Variants in ADAMTSL2 observed in about 807,000 individuals in gnomAD.
ADAMTSL2 encodes the protein ADAMTS-like protein 2.
In ADAMTSL2, 55 loss-of-function variants were observed where a neutral mutation model predicts 117.0. The ratio of observed to expected loss-of-function variants is 0.47; its 90% CI spans 0.38 to 0.59. The LOEUF is 0.59. Ranked by LOEUF, ADAMTSL2 falls within the 20% of genes least tolerant of loss-of-function variation. The pLI is 0.00. For synonymous variants in ADAMTSL2, 572 were observed against 566.4 expected, an observed-to-expected ratio of 1.01 and a Z score of -0.14; for missense variants, 1,182 against 1,354.5, an observed-to-expected ratio of 0.87 and a Z score of 2.00.
intron 18 of ADAMTSL2, 43 bp from the exon 19 acceptor site, chr9:133,574,703 A>G (rs1588314768): frequency 1.3e-6 from 2 of 1,574,540 alleles, no homozygotes; most frequent in Admixed American, 1.7e-5. Flanking sequence ...CCCCTTGGCC[A>G]CCTCCTGAAA....
intron 8 of ADAMTSL2, among the ~76,000 whole-genome samples, chr9:133,545,689 G>T (rs566055711): frequency 6.6e-6 from 1 of 152,202 alleles, no homozygotes; most frequent in Admixed American, 6.5e-5. Flanking sequence ...CTCTGAGCTG[G>T]CTGCAAAGCT....
At chr9:133,540,376 C>T (rs548685893) in intron 5 of ADAMTSL2, among the ~76,000 whole-genome samples, 1 of 152,234 alleles carries the variant, frequency 6.6e-6, no homozygotes, top group East Asian at 1.9e-4. Context: ...GCGCTGCTCC[C>T]CACTCACGAG....
At position 133,562,611 on chromosome 9, in the gene ADAMTSL2, C is replaced by T. The variant is rs1453113620; in HGVS notation, c.1747+1316C>T. 1.5e-4 allele frequency among the ~76,000 whole-genome samples: 16 copies of T among 104,600 alleles called. 1 individual carries two copies. Among genetic ancestry groups the T allele is most frequent in the Non-Finnish European group, 2.2e-4 (11 of 50,136 alleles). 68.6% of individuals were successfully genotyped at this position (104,600 alleles called of 152,430 possible). ...GCTCGCACCGCCGTGGGCGGCGTGGCGGGCACCCGGCTGGGCCCGGTTCGC... is the reference window on the plus strand; with the variant it reads ...GCTCGCACCGCCGTGGGCGGCGTGGTGGGCACCCGGCTGGGCCCGGTTCGC... On this transcript the variant is annotated intron_variant, in intron 12 of 18. Transcript: ENST00000651351.
Position 133,536,570 on chromosome 9 carries a change from C to T in ADAMTSL2, c.-143C>T, listed in dbSNP as rs747085893. On this transcript the variant is annotated 5_prime_UTR_variant, in exon 2 of 19. Transcript: ENST00000651351. ...GTTCATCCTTCCCAACAGGGTCTGC[C>T]AGACAACCACGACCAACTAGTCCCA... is the stretch of plus-strand genomic sequence containing the variant. The T allele has an allele frequency of 1.3e-6, 2 of 1,581,154 alleles. No homozygotes were observed. Among genetic ancestry groups the T allele is most frequent in the African/African-American group, 2.7e-5 (2 of 74,290 alleles).
intron 11 of ADAMTSL2, among the ~76,000 whole-genome samples, chr9:133,559,439 G>A (rs1287937085): frequency 6.7e-6 from 1 of 149,040 alleles, no homozygotes; most frequent in Non-Finnish European, 1.5e-5. Flanking sequence ...TGCCTCCCAG[G>A]TTCATGCCAT....
intron 17 of ADAMTSL2, among the ~76,000 whole-genome samples, chr9:133,572,116 G>C (rs1831119745): frequency 6.6e-6 from 1 of 152,110 alleles, no homozygotes; most frequent in South Asian, 2.1e-4. Context: ...CCGGGCCCTT[G>C]CCAGGTCCCA....
intron 8 of ADAMTSL2, among the ~76,000 whole-genome samples, chr9:133,545,287 C>T (rs75815723): frequency 0.023 from 3,533 of 152,258 alleles, 151 homozygotes; most frequent in African/African-American, 0.079. Context: ...GGTATAGGGA[C>T]GCTGTTCTTG....
intron 4 of ADAMTSL2, among the ~76,000 whole-genome samples, chr9:133,539,242 A>G (rs1268361058): frequency 6.6e-6 from 1 of 152,164 alleles, no homozygotes; most frequent in Admixed American, 6.5e-5. Context: ...AGAGGGACCC[A>G]GGTTTGAGCT....
Position 133,558,340 on chromosome 9 carries a change from C to T in ADAMTSL2, c.1649+2410C>T, listed in dbSNP as rs1830653720. On this transcript the variant is annotated intron_variant, in intron 11 of 18. Transcript: ENST00000651351. The surrounding 1 kb of genome is among the most constrained non-coding windows in gnomAD (Gnocchi z 4.3). ...CAGGCCAAAATAGCCACGTCTCGGC[C>T]GAGTTGTCCAAACACAGGAAGTCGT... 2.6e-5 allele frequency among the ~76,000 whole-genome samples: 4 copies of T among 152,282 alleles called. No homozygotes were observed. Among genetic ancestry groups the T allele is most frequent in the Non-Finnish European group, 5.9e-5 (4 of 68,024 alleles).
intron 1 of ADAMTSL2, 89 bp downstream of exon 1, chr9:133,535,006 C>T (rs1295057283): frequency 7.7e-7 from 1 of 1,300,546 alleles, no homozygotes; most frequent in South Asian, 2.2e-5. Flanking sequence ...AGGAGCACCC[C>T]GCGCCCTCTG....
chr9:133,554,605 C>T lies in ADAMTSL2; in HGVS notation c.1188C>T (p.Gly396=). 2 of 1,547,696 alleles carry T rather than the reference C, an allele frequency of 1.3e-6. No homozygotes were observed. Among genetic ancestry groups the T allele is most frequent in the South Asian group, 1.2e-5 (1 of 84,154 alleles). The change falls in exon 10 of 19, where the codon GGC becomes GGT. Residue 396 remains glycine (G), a synonymous_variant. Transcript: ENST00000651351. The surrounding 1 kb of genome is among the most constrained non-coding windows in gnomAD (Gnocchi z 5.2). ...ACCCGGGCCTGGACATGGAGCTGGG[C>T]CCCAGCCAGGGCCAGGAGACCAACG... ...FGHPGLDMEL[G]PSQGQETNEV... is the part of the protein sequence containing the mutation.
Position 133,570,916 on chromosome 9 carries a change from G to A in ADAMTSL2, c.2592+409G>A, listed in dbSNP as rs111746745. ...TCTGGGAGCCACAGCCAAGGCAGCC[G>A]CTTGGAATTTAGGGAGACAGTAATA... On this transcript the variant is annotated intron_variant, in intron 17 of 18. Coordinates refer to ENST00000651351, the MANE Select transcript of ADAMTSL2 (RefSeq NM_014694.4). Among the ~76,000 whole-genome samples, 323 of 152,282 alleles carry A rather than the reference G, an allele frequency of 2.1e-3. 1 individual carries two copies. The highest frequency in any genetic ancestry group is 0.01 in the Middle Eastern group (3 of 294).
At chr9:133,555,020 A>G (rs1830573275) in intron 10 of ADAMTSL2, among the ~76,000 whole-genome samples, 2 of 151,918 alleles carry the variant, frequency 1.3e-5, no homozygotes, top group Admixed American at 1.3e-4. Flanking sequence ...TCTCTCGCTC[A>G]CCCCATCGCT....
intron 13 of ADAMTSL2, among the ~76,000 whole-genome samples, chr9:133,567,779 C>T (rs1831009168): frequency 6.6e-6 from 1 of 152,236 alleles, no homozygotes; most frequent in African/African-American, 2.4e-5. Context: ...CTGTCCTTCC[C>T]CTCAGAGCCC....
chr9:133,569,364 G>C, intron 15 of ADAMTSL2, 44 bp from the exon 16 acceptor site: 2 of 1,602,560 alleles, frequency 1.2e-6, no homozygotes, highest in Non-Finnish European at 1.7e-6. Context: ...TCCTGGTGTG[G>C]CTGCCTCTCA....
chr9:133,561,341 T>G, intron 12 of ADAMTSL2, 46 bp downstream of exon 12: 2 of 1,493,810 alleles, frequency 1.3e-6, no homozygotes, highest in Non-Finnish European at 1.8e-6. Flanking sequence ...CTGAACCCAT[T>G]TCCATGGACA....
At chr9:133,540,099 C>T (rs1830178770) in intron 5 of ADAMTSL2, among the ~76,000 whole-genome samples, 1 of 152,200 alleles carries the variant, frequency 6.6e-6, no homozygotes, top group Non-Finnish European at 1.5e-5. Context: ...ACTGAGTTCC[C>T]TGCAGACCTG....
intron 7 of ADAMTSL2, among the ~76,000 whole-genome samples, chr9:133,541,860 G>A (rs1459584022): frequency 6.6e-6 from 1 of 152,232 alleles, no homozygotes; most frequent in Non-Finnish European, 1.5e-5. Context: ...TTCTACTTTT[G>A]GAGGGATGTC....
chr9:133,539,937 G>C, intron 5 of ADAMTSL2, 64 bp downstream of exon 5: 1 of 1,479,150 alleles, frequency 6.8e-7, no homozygotes, highest in Admixed American at 2.0e-5. Context: ...TAGCCCTTCC[G>C]GCACCTGGGA....
Sources: allele counts gnomAD v4.1 joint callset (sites outside exome capture counted in the v4.1 genomes callset), GRCh38; gene constraint gnomAD v4.1.1; non-coding constraint Gnocchi (gnomAD v3.1); transcripts MANE v1.5; gene names NCBI Gene and HGNC (gene_info 2026-07-23, HGNC 2026-07-21).